The following CHSY1 variants were observed in gnomAD, a reference collection of about 807,000 sequenced individuals.
CHSY1 encodes the protein N-acetylgalactosaminyl-proteoglycan 3-beta-glucuronosyltransferase 1.
Under a neutral mutation model 59.8 loss-of-function variants are expected in CHSY1, and 13 were observed. The ratio of observed to expected loss-of-function variants is 0.22; its 90% CI spans 0.14 to 0.35. CHSY1 has a LOEUF of 0.35. Among genes scored for constraint, CHSY1 ranks in the 10% least tolerant of loss-of-function variants. CHSY1 has a pLI of 1.00. For synonymous variants in CHSY1, 459 were observed against 401.2 expected, an observed-to-expected ratio of 1.14 and a Z score of -1.72; for missense variants, 947 against 1,030.6, an observed-to-expected ratio of 0.92 and a Z score of 1.11.
chr15:101,221,587 T>G lies in CHSY1; in HGVS notation c.816+13495A>C, dbSNP rs201114434. On this transcript the variant is annotated intron_variant, in intron 2 of 2. Transcript: ENST00000254190. ...TACCCTAATAAAGTAACCAGAATTC[T>G]AAATTATTACAGAATCAATATATAA... Among the ~76,000 whole-genome samples the G allele has an allele frequency of 4.6e-5, 7 of 152,348 alleles. No homozygotes were observed. The East Asian group carries it at 1.3e-3, about 29-fold the overall frequency.
At chr15:101,237,471 C>T (rs1202714420) in intron 1 of CHSY1, among the ~76,000 whole-genome samples, 1 of 152,160 alleles carries the variant, frequency 6.6e-6, no homozygotes, top group Non-Finnish European at 1.5e-5. Context: ...GTTTAAGAGA[C>T]AACGGTTGCC....
At chr15:101,238,197 T>A (rs781749268) in intron 1 of CHSY1, among the ~76,000 whole-genome samples, 1 of 152,208 alleles carries the variant, frequency 6.6e-6, no homozygotes, top group Non-Finnish European at 1.5e-5. Context: ...TCTTAACCAT[T>A]TCTAAATGTA....
intron 2 of CHSY1, among the ~76,000 whole-genome samples, chr15:101,227,600 G>A (rs1276492386): frequency 6.6e-6 from 1 of 152,242 alleles, no homozygotes; most frequent in Non-Finnish European, 1.5e-5. Context: ...CCACACGCAT[G>A]TGTGGGAGTG....
chr15:101,179,801 G>A (rs532922534), intron 2 of CHSY1, among the ~76,000 whole-genome samples: 1 of 152,244 alleles, frequency 6.6e-6, no homozygotes, highest in African/African-American at 2.4e-5. Flanking sequence ...CCGTGGCGCA[G>A]GTTTTGGGAC....
intron 2 of CHSY1, among the ~76,000 whole-genome samples, chr15:101,229,167 A>G (rs912499063): frequency 2.7e-4 from 41 of 152,370 alleles, no homozygotes; most frequent in African/African-American, 8.9e-4. Flanking sequence ...AAAAACAAAG[A>G]TATGACATAC....
chr15:101,242,983 T>C (rs1457896783), intron 1 of CHSY1, among the ~76,000 whole-genome samples: 1 of 152,164 alleles, frequency 6.6e-6, no homozygotes, highest in Non-Finnish European at 1.5e-5. Flanking sequence ...AAAAACCAAA[T>C]TATACTCCTT....
intron 2 of CHSY1, among the ~76,000 whole-genome samples, chr15:101,223,448 T>C (rs1412133433): frequency 7.2e-5 from 11 of 152,262 alleles, no homozygotes; most frequent in Non-Finnish European, 1.6e-4. Flanking sequence ...TTAAAATATC[T>C]TATAGTTTTA....
intron 2 of CHSY1, among the ~76,000 whole-genome samples, chr15:101,205,625 T>A (rs1369544265): frequency 6.6e-6 from 1 of 152,184 alleles, no homozygotes; most frequent in Non-Finnish European, 1.5e-5. Flanking sequence ...AACCCATACA[T>A]GCTTATTCTG....
intron 2 of CHSY1, among the ~76,000 whole-genome samples, chr15:101,195,638 G>A (rs935624724): frequency 3.3e-5 from 5 of 152,122 alleles, no homozygotes; most frequent in South Asian, 4.1e-4. Flanking sequence ...TAGCTAACAC[G>A]GTGAAACCCT....
At chr15:101,204,558 T>C (rs929648342) in intron 2 of CHSY1, among the ~76,000 whole-genome samples, 5 of 151,836 alleles carry the variant, frequency 3.3e-5, no homozygotes, top group Admixed American at 6.6e-5. Flanking sequence ...GAGTTTTCTA[T>C]TAAGTTAAAT....
intron 2 of CHSY1, among the ~76,000 whole-genome samples, chr15:101,207,901 A>G (rs2038643431): frequency 6.6e-6 from 1 of 152,150 alleles, no homozygotes; most frequent in African/African-American, 2.4e-5. Context: ...AGATGGGGTG[A>G]GGGTGGGCTG....
chr15:101,251,441 G>C lies in CHSY1; in HGVS notation c.16C>G (p.Arg6Gly). MAARG[R>G]RAWLSVLLGL... Reference sequence around the variant, plus strand: ...AGCAGCACGCTGAGCCAGGCGCGCCGGCCGCGCGCGGCCATGCCCGCGCCG... The same window carrying C: ...AGCAGCACGCTGAGCCAGGCGCGCCCGCCGCGCGCGGCCATGCCCGCGCCG... The change falls in exon 1 of 3, where the codon CGG becomes GGG. Residue 6 changes from arginine (R) to glycine (G), a missense_variant. Around this residue, in one of 4 missense-constraint regions of CHSY1, gnomAD observed 232 missense variants for 188.5 expected, o/e 1.23. Transcript: ENST00000254190. 18 of 1,050,112 alleles carry C rather than the reference G, an allele frequency of 1.7e-5. No homozygotes were observed. The highest frequency in any genetic ancestry group is 2.1e-5 in the Non-Finnish European group (18 of 867,460). The allele number at this position is 1,050,112 out of a possible 1,614,324, so 65.0% of individuals were successfully genotyped here. A position where few individuals can be genotyped will look rare whatever the true frequency, so the allele number is the denominator to read the frequency against.
At position 101,251,884 on chromosome 15, in the gene CHSY1, C is replaced by G. The variant is rs1166463201; in HGVS notation, c.-428G>C. On this transcript the variant is annotated 5_prime_UTR_variant, in exon 1 of 3. Coordinates refer to ENST00000254190, the MANE Select transcript of CHSY1 (RefSeq NM_014918.5). ...GCACGGCGCCTGTCCCCGTCCTCTT[C>G]GTAGCCGGCGCCGCCGCCGCAGCTG... 6.6e-6 allele frequency: 1 copy of G among 150,684 alleles called. No homozygotes were observed. The highest frequency in any genetic ancestry group is 1.5e-5 in the Non-Finnish European group (1 of 67,738). 9.3% of individuals were successfully genotyped at this position (150,684 alleles called of 1,614,324 possible).
At chr15:101,195,302 AT>A in intron 2 of CHSY1, among the ~76,000 whole-genome samples, 1 of 152,238 alleles carries the variant, frequency 6.6e-6, no homozygotes, top group East Asian at 1.9e-4. Flanking sequence ...CAATAATCAT[AT>A]TTTGGATCAT....
At chr15:101,232,381 A>G (rs569869613) in intron 2 of CHSY1, among the ~76,000 whole-genome samples, 1 of 152,384 alleles carries the variant, frequency 6.6e-6, no homozygotes, top group Admixed American at 6.5e-5. Flanking sequence ...GATAAACCTA[A>G]TAACAACTTA....
In CHSY1 at chr15:101,178,014, G is replaced by A; in HGVS notation, c.1783C>T (p.Pro595Ser). ...ELMRDYRIKYPKADMQILPVS... is the reference protein window; with the variant it reads ...ELMRDYRIKYSKADMQILPVS... ...GGCAAAATCTGCATGTCGGCTTTAG[G>A]GTACTTAATGCGGTAATCTCTCATC... The change falls in exon 3 of 3, where the codon CCT becomes TCT. Residue 595 changes from proline to serine, a missense_variant. Physicochemically the swap from Pro to Ser is moderately conservative, Grantham distance 74. This residue lies in a region of CHSY1 where 602 missense variants were observed against 676.9 expected (regional missense o/e 0.89). Coordinates refer to ENST00000254190, the MANE Select transcript of CHSY1 (RefSeq NM_014918.5). 1 of 1,614,148 alleles carries A rather than the reference G, an allele frequency of 6.2e-7. No individual in the cohort carries two copies. The highest frequency in any genetic ancestry group is 8.5e-7 in the Non-Finnish European group (1 of 1,180,038).
Position 101,178,219 on chromosome 15 carries a change from G to A in CHSY1, c.1578C>T (p.His526=), listed in dbSNP as rs754944859. The A allele has an allele frequency of 6.2e-7, 1 of 1,614,088 alleles. No individual in the cohort carries two copies. The highest frequency in any genetic ancestry group is 1.3e-5 in the African/African-American group (1 of 74,930). ...TTATCTTTTTATCTTTGGGTTCTTT[G>A]TGCTCACTCTTCGACCCAGGGAGCT... The part of the protein sequence containing the change: ...PFQLPGSKSE[H]KEPKDKKINI... The change falls in exon 3 of 3, where the codon CAC becomes CAT. Residue 526 remains histidine, a synonymous_variant. Coordinates refer to ENST00000254190, the MANE Select transcript of CHSY1 (RefSeq NM_014918.5).
At chr15:101,245,455 T>C (rs924608320) in intron 1 of CHSY1, among the ~76,000 whole-genome samples, 2 of 152,160 alleles carry the variant, frequency 1.3e-5, no homozygotes, top group African/African-American at 4.8e-5. Flanking sequence ...CCCACAGTGA[T>C]TAGTTCACGC....
chr15:101,183,402 A>C (rs1221603857), intron 2 of CHSY1, among the ~76,000 whole-genome samples: 1 of 152,210 alleles, frequency 6.6e-6, no homozygotes, highest in African/African-American at 2.4e-5. Context: ...ATGGCACCGG[A>C]CACAGATAAC....
Sources: allele counts gnomAD v4.1 joint callset (sites outside exome capture counted in the v4.1 genomes callset), GRCh38; gene constraint gnomAD v4.1.1; regional missense constraint gnomAD v4.1.1; transcripts MANE v1.5; gene names NCBI Gene and HGNC (gene_info 2026-07-23, HGNC 2026-07-21).